The following TXNDC16 variants were observed in gnomAD, a reference collection of about 807,000 sequenced individuals.
TXNDC16 encodes the protein thioredoxin domain containing 16.
In TXNDC16, 74 loss-of-function variants were observed where a neutral mutation model predicts 85.6. The observed-to-expected ratio is 0.86, with a 90% CI of 0.72 to 1.05. The LOEUF is 1.05. TXNDC16 is among the 50% of genes least tolerant of loss of function. The pLI, the probability that TXNDC16 is intolerant of heterozygous loss-of-function variation, is 0.00. For synonymous variants in TXNDC16, 335 were observed against 326.5 expected, an observed-to-expected ratio of 1.03 and a Z score of -0.28; for missense variants, 959 against 947.0, an observed-to-expected ratio of 1.01 and a Z score of -0.17.
chr14:52,508,428 G>A (rs185489430), intron 9 of TXNDC16, among the ~76,000 whole-genome samples: 2 of 152,308 alleles, frequency 1.3e-5, no homozygotes, highest in Admixed American at 1.3e-4. Flanking sequence ...AGGCGCTGGA[G>A]GGGATGTGAA....
chr14:52,530,189 A>G (rs1437542149), intron 6 of TXNDC16, among the ~76,000 whole-genome samples: 1 of 81,322 alleles, frequency 1.2e-5, no homozygotes, highest in Non-Finnish European at 2.1e-5. Context: ...TAAATATATT[A>G]TATTTATATA....
chr14:52,497,132 A>G (rs940691705), intron 9 of TXNDC16, among the ~76,000 whole-genome samples: 1 of 152,168 alleles, frequency 6.6e-6, no homozygotes, highest in African/African-American at 2.4e-5. Context: ...TTACTATTAA[A>G]TAACTAAAAT....
chr14:52,533,535 G>A (rs533184155), intron 6 of TXNDC16, among the ~76,000 whole-genome samples: 9 of 152,230 alleles, frequency 5.9e-5, no homozygotes, highest in African/African-American at 2.2e-4. Context: ...TGCCTACAGC[G>A]CTTTGCTGGG....
At chr14:52,530,949 C>G (rs1018087334) in intron 6 of TXNDC16, among the ~76,000 whole-genome samples, 1 of 151,676 alleles carries the variant, frequency 6.6e-6, no homozygotes, top group East Asian at 1.9e-4. Context: ...AAAAATATAT[C>G]TGATGAAGCA....
At chr14:52,436,773 AC>A (rs1410090630) in intron 20 of TXNDC16, among the ~76,000 whole-genome samples, 1 of 152,158 alleles carries the variant, frequency 6.6e-6, no homozygotes, top group Non-Finnish European at 1.5e-5. Context: ...CTGATAGTTG[AC>A]ATAATATTGA....
At chr14:52,525,841 C>T (rs2037322077) in intron 6 of TXNDC16, among the ~76,000 whole-genome samples, 2 of 151,654 alleles carry the variant, frequency 1.3e-5, no homozygotes, top group Admixed American at 1.3e-4. Flanking sequence ...GATACCAAAA[C>T]CCATGGATGC....
chr14:52,438,140 T>G (rs2140099853), intron 20 of TXNDC16, among the ~76,000 whole-genome samples: 1 of 152,320 alleles, frequency 6.6e-6, no homozygotes, highest in East Asian at 1.9e-4. Context: ...AAACTACTGG[T>G]GAAAATGCTA....
rs184634290 is a variant in TXNDC16 at position 52,510,748 on chromosome 14, G to C, written c.756+492C>G. Among the ~76,000 whole-genome samples, 56 of 152,292 alleles carry C rather than the reference G, an allele frequency of 3.7e-4. No individual in the cohort carries two copies. The East Asian group carries it at 9.8e-3, about 27-fold the overall frequency. ...AACTTTTCGGAGAGAACAGTTTGCT[G>C]ATCACCATCACCTAGTGTCTCTACA... On this transcript the variant is annotated intron_variant, in intron 9 of 20. Coordinates refer to ENST00000281741, the MANE Select transcript of TXNDC16 (RefSeq NM_020784.3).
At chr14:52,441,946 A>C (rs185215439) in intron 18 of TXNDC16, among the ~76,000 whole-genome samples, 1 of 152,246 alleles carries the variant, frequency 6.6e-6, no homozygotes, top group East Asian at 1.9e-4. Context: ...GGTAGACTTA[A>C]ACAGTCACTT....
intron 1 of TXNDC16, among the ~76,000 whole-genome samples, chr14:52,546,835 G>C (rs2037950827): frequency 6.6e-6 from 1 of 152,206 alleles, no homozygotes; most frequent in Non-Finnish European, 1.5e-5. Context: ...AAGCAGCATA[G>C]AAACTGTTCT....
At chr14:52,497,982 G>C (rs138487210) in intron 9 of TXNDC16, among the ~76,000 whole-genome samples, 270 of 151,888 alleles carry the variant, frequency 1.8e-3, no homozygotes, top group African/African-American at 6.1e-3. Flanking sequence ...TGCAAGGATG[G>C]TTTGACACAC....
intron 16 of TXNDC16, among the ~76,000 whole-genome samples, chr14:52,466,979 G>A (rs895287891): frequency 1.3e-5 from 2 of 151,770 alleles, no homozygotes; most frequent in African/African-American, 4.8e-5. Context: ...TCACCTAGTA[G>A]AGTCAATAGA....
At chr14:52,447,741 C>G (rs2035318096) in intron 18 of TXNDC16, among the ~76,000 whole-genome samples, 1 of 152,070 alleles carries the variant, frequency 6.6e-6, no homozygotes, top group Admixed American at 6.5e-5. Flanking sequence ...TGTGTCCTTT[C>G]AGACAGAGAA....
At chr14:52,479,355 T>C (rs2036093481) in intron 14 of TXNDC16, among the ~76,000 whole-genome samples, 1 of 151,962 alleles carries the variant, frequency 6.6e-6, no homozygotes, top group African/African-American at 2.4e-5. Flanking sequence ...TCCAAACTGG[T>C]AAAGAGGAAG....
intron 16 of TXNDC16, chr14:52,462,739 G>C (rs545930036): frequency 1.5e-4 from 52 of 354,468 alleles, no homozygotes; most frequent in African/African-American, 1.1e-3. Flanking sequence ...TAATTAGAGA[G>C]TCCTCATTTT....
At chr14:52,483,561 A>G (rs528510144) in intron 12 of TXNDC16, among the ~76,000 whole-genome samples, 7 of 152,344 alleles carry the variant, frequency 4.6e-5, no homozygotes, top group African/African-American at 1.4e-4. Context: ...GAGGGAAGGC[A>G]AATTTGACTA....
At position 52,440,636 on chromosome 14, in the gene TXNDC16, T is replaced by C. The variant is rs775916801; in HGVS notation, c.1931A>G (p.Gln644Arg). The change falls in exon 19 of 21, where the codon CAG (glutamine) becomes CGG (arginine). Residue 644 changes from glutamine (Q) to arginine (R), a missense_variant. Physicochemically the swap from Gln to Arg is conservative, Grantham distance 43. Coordinates refer to ENST00000281741, the MANE Select transcript of TXNDC16 (RefSeq NM_020784.3). Reference protein sequence around the residue: ...ILFSDGTVNPQYKKAILTLVK... With the variant: ...ILFSDGTVNPRYKKAILTLVK... The stretch of plus-strand genomic sequence containing the variant: ...CAGTGTCAATATTGCTTTTTTATAC[T>C]GAGGATTTACAGTGCCATCACTGAA... 9.9e-6 allele frequency: 16 copies of C among 1,610,458 alleles called. No homozygotes were observed. The highest frequency in any genetic ancestry group is 1.3e-5 in the Non-Finnish European group (15 of 1,178,926).
intron 5 of TXNDC16, among the ~76,000 whole-genome samples, chr14:52,537,070 T>TCACA (rs58583503): frequency 0.11 from 15,880 of 147,252 alleles, 1,080 homozygotes; most frequent in East Asian, 0.35. Context: ...CAACTCACAA[T>TCACA]CACACACACA....
Position 52,476,867 on chromosome 14 carries a change from T to C in TXNDC16, c.1312+5363A>G, listed in dbSNP as rs149582814. ...ACAAGAAGATCAATGCCTAGGCACA[T>C]TGTCATCAGGTTACCTAAAGTTAAG... On this transcript the variant is annotated intron_variant, in intron 14 of 20. Transcript: ENST00000281741. Among the ~76,000 whole-genome samples, 660 of 152,288 alleles carry C rather than the reference T, an allele frequency of 4.3e-3. 10 individuals carry two copies. Among genetic ancestry groups the C allele is most frequent in the African/African-American group, 0.015 (632 of 41,556 alleles).
Sources: allele counts gnomAD v4.1 joint callset (sites outside exome capture counted in the v4.1 genomes callset), GRCh38; gene constraint gnomAD v4.1.1; transcripts MANE v1.5; gene names NCBI Gene and HGNC (gene_info 2026-07-23, HGNC 2026-07-21).